ADAMTS3: variants seen among roughly 807,000 people sequenced by gnomAD.
ADAMTS3 encodes A disintegrin and metalloproteinase with thrombospondin motifs 3.
ADAMTS3 carries 73 observed loss-of-function variants against 129.0 expected under a neutral mutation model. The observed-to-expected ratio is 0.57, with a 90% CI of 0.47 to 0.69. ADAMTS3 has a LOEUF of 0.69. Ranked by LOEUF, ADAMTS3 falls within the 30% of genes least tolerant of loss-of-function variation. The probability of loss-of-function intolerance (pLI) is 0.00; values close to 1 mark genes in which losing one functional copy is unlikely to be tolerated. For synonymous variants in ADAMTS3, 477 were observed against 510.8 expected (o/e 0.93, Z 0.89); for missense variants, 1,457 against 1,514.5 (o/e 0.96, Z 0.63).
chr4:72,533,673 A>ATATGTATATATACGTATATATG (rs1164175826), intron 3 of ADAMTS3, among the ~76,000 whole-genome samples: 1 of 151,372 alleles, frequency 6.6e-6, no homozygotes, highest in African/African-American at 2.4e-5. Context: ...GTATATGCAC[A>ATATGTATATATACGTATATATG]TATATGCACA....
intron 1 of ADAMTS3, 68 bp from the exon 2 acceptor site, chr4:72,567,469 A>T (rs548831808): frequency 7.0e-5 from 105 of 1,495,168 alleles, no homozygotes; most frequent in Admixed American, 3.6e-4. Context: ...TGTGAGTTTT[A>T]TTTCTACCAT....
At chr4:72,321,814 T>C (rs1459608669) in intron 6 of ADAMTS3, among the ~76,000 whole-genome samples, 1 of 152,102 alleles carries the variant, frequency 6.6e-6, no homozygotes, top group Admixed American at 6.6e-5. Flanking sequence ...TTCATGCTAC[T>C]GAAGAGGGGT....
chr4:72,365,473 C>G (rs1029303518), intron 4 of ADAMTS3, among the ~76,000 whole-genome samples: 1 of 151,992 alleles, frequency 6.6e-6, no homozygotes, highest in Non-Finnish European at 1.5e-5. Flanking sequence ...GTTTTTTTGG[C>G]GATACTGAGA....
At chr4:72,311,517 C>T (rs548232383) in intron 13 of ADAMTS3, among the ~76,000 whole-genome samples, 5 of 152,204 alleles carry the variant, frequency 3.3e-5, no homozygotes, top group South Asian at 4.1e-4. Context: ...GTTTAGTTTT[C>T]GTAATATTAG....
chr4:72,455,743 T>C (rs185074497), intron 3 of ADAMTS3, among the ~76,000 whole-genome samples: 86 of 145,134 alleles, frequency 5.9e-4, no homozygotes, highest in African/African-American at 2.1e-3. Flanking sequence ...ATTTTTACAA[T>C]TTTTTTCTCA....
chr4:72,303,068 C>G (rs1247285401), intron 17 of ADAMTS3, among the ~76,000 whole-genome samples: 1 of 152,138 alleles, frequency 6.6e-6, no homozygotes, highest in Non-Finnish European at 1.5e-5. Context: ...CATCCAACAT[C>G]TGCTAGATAT....
chr4:72,518,342 G>T lies in ADAMTS3; in HGVS notation c.504+30136C>A, dbSNP rs1203781867. On this transcript the variant is annotated intron_variant, in intron 3 of 21. Coordinates refer to ENST00000286657, the MANE Select transcript of ADAMTS3 (RefSeq NM_014243.3). ...ATATGGGGTGGAGAGTTCTGTAGAT[G>T]TCTATTAGGTACACTTGGTGCAGAG... is the stretch of plus-strand genomic sequence containing the variant. Among the ~76,000 whole-genome samples, 11 of 152,316 alleles carry T rather than the reference G, an allele frequency of 7.2e-5. No individual in the cohort carries two copies. The East Asian group carries it at 9.6e-4, about 13-fold the overall frequency.
In ADAMTS3 at chr4:72,389,166, C is replaced by T. The variant is rs566734015; in HGVS notation, c.661+25649G>A. On this transcript the variant is annotated intron_variant, in intron 4 of 21. Transcript: ENST00000286657. Reference sequence around the variant, plus strand: ...TTCTAAATTCCAGTTTTTAATATGCCAGCCAATGACCAACCTTGCAAGGAG... The same window carrying T: ...TTCTAAATTCCAGTTTTTAATATGCTAGCCAATGACCAACCTTGCAAGGAG... Among the ~76,000 whole-genome samples, 6 of 152,236 alleles carry T rather than the reference C, an allele frequency of 3.9e-5. No individual in the cohort carries two copies. The South Asian group carries it at 1.2e-3, about 32-fold the overall frequency.
chr4:72,322,847 T>G, intron 6 of ADAMTS3, among the ~76,000 whole-genome samples, 167 bp downstream of exon 6: 1 of 152,124 alleles, frequency 6.6e-6, no homozygotes, highest in East Asian at 1.9e-4. Context: ...TCTGCTCAAA[T>G]TTGGAAGTCT....
chr4:72,350,502 T>C (rs2109843740), intron 4 of ADAMTS3, among the ~76,000 whole-genome samples: 1 of 152,144 alleles, frequency 6.6e-6, no homozygotes, highest in Non-Finnish European at 1.5e-5. Context: ...AGGTCTGACA[T>C]TGTGAATTTT....
chr4:72,461,210 C>G (rs1310519384), intron 3 of ADAMTS3, among the ~76,000 whole-genome samples: 1 of 151,166 alleles, frequency 6.6e-6, no homozygotes. Context: ...AGGGTAAATA[C>G]TAGTATATAA....
intron 4 of ADAMTS3, among the ~76,000 whole-genome samples, chr4:72,413,248 T>TC (rs1317575161): frequency 1.3e-5 from 2 of 152,022 alleles, no homozygotes; most frequent in African/African-American, 2.4e-5. Context: ...CAGTAACTGA[T>TC]CTGGCTTCCA....
intron 3 of ADAMTS3, among the ~76,000 whole-genome samples, chr4:72,529,076 C>T (rs1720890188): frequency 6.6e-6 from 1 of 152,058 alleles, no homozygotes; most frequent in Non-Finnish European, 1.5e-5. Context: ...TAAATTAACA[C>T]TCAAATGATG....
intron 4 of ADAMTS3, among the ~76,000 whole-genome samples, chr4:72,399,170 T>A (rs1721809159): frequency 6.6e-6 from 1 of 152,152 alleles, no homozygotes; most frequent in Admixed American, 6.6e-5. Context: ...GCGTGAGCCA[T>A]CAGAATCTGA....
chr4:72,478,164 A>C (rs989742707), intron 3 of ADAMTS3, among the ~76,000 whole-genome samples: 1 of 152,210 alleles, frequency 6.6e-6, no homozygotes, highest in African/African-American at 2.4e-5. Context: ...TCAACAGAAA[A>C]AGAGGGAATC....
intron 3 of ADAMTS3, among the ~76,000 whole-genome samples, chr4:72,457,217 C>A (rs1376955864): frequency 6.6e-6 from 1 of 151,650 alleles, no homozygotes; most frequent in African/African-American, 2.4e-5. Flanking sequence ...TTGCTTATTG[C>A]CCATAGGCAT....
intron 3 of ADAMTS3, among the ~76,000 whole-genome samples, chr4:72,448,199 C>T (rs1272278726): frequency 1.3e-5 from 2 of 151,692 alleles, no homozygotes; most frequent in Middle Eastern, 3.2e-3. Flanking sequence ...GCCAAAATCA[C>T]GTATATTTTC....
chr4:72,487,407 C>A (rs1357636018), intron 3 of ADAMTS3, among the ~76,000 whole-genome samples: 1 of 151,974 alleles, frequency 6.6e-6, no homozygotes, highest in Non-Finnish European at 1.5e-5. Context: ...TGGCTTGGAG[C>A]CAAGAAAAAT....
chr4:72,559,710 C>A (rs569885018), intron 2 of ADAMTS3, among the ~76,000 whole-genome samples: 7 of 151,890 alleles, frequency 4.6e-5, no homozygotes, highest in Non-Finnish European at 8.8e-5. Flanking sequence ...TTGTTTACAG[C>A]GTAGCAGCAT....
Sources: allele counts gnomAD v4.1 joint callset (sites outside exome capture counted in the v4.1 genomes callset), GRCh38; gene constraint gnomAD v4.1.1; transcripts MANE v1.5; gene names NCBI Gene and HGNC (gene_info 2026-07-23, HGNC 2026-07-21).